METTL15: variants seen among roughly 807,000 people sequenced by gnomAD.
METTL15 encodes 12S rRNA N(4)-cytidine methyltransferase METTL15.
Under a neutral mutation model 38.3 loss-of-function variants are expected in METTL15, and 34 were observed. The ratio of observed to expected loss-of-function variants is 0.89; its 90% CI spans 0.68 to 1.18. METTL15 has a LOEUF of 1.18. METTL15 is among the 50% of genes most tolerant of loss of function. The pLI is 0.00. For synonymous variants in METTL15, 162 were observed against 170.9 expected (o/e 0.95, Z 0.41); for missense variants, 438 against 498.4 (o/e 0.88, Z 1.15).
At chr11:28,404,878 T>C (rs1850661368) in intron 5 of METTL15, among the ~76,000 whole-genome samples, 1 of 152,126 alleles carries the variant, frequency 6.6e-6, no homozygotes, top group South Asian at 2.1e-4. Flanking sequence ...CATCTTCCTC[T>C]TGATAGCATC....
chr11:28,524,023 T>G (rs1403439728), intron 6 of METTL15, among the ~76,000 whole-genome samples: 1 of 152,234 alleles, frequency 6.6e-6, no homozygotes, highest in East Asian at 1.9e-4. Context: ...TGATCTAACG[T>G]GTCAATGGTG....
At chr11:28,194,429 A>G (rs1851833569) in intron 3 of METTL15, among the ~76,000 whole-genome samples, 1 of 151,450 alleles carries the variant, frequency 6.6e-6, no homozygotes, top group Non-Finnish European at 1.5e-5. Flanking sequence ...CGAACTCCTG[A>G]CCTCAGGTGA....
downstream of METTL15, among the ~76,000 whole-genome samples, chr11:28,531,398 C>T (rs185283877): frequency 2.6e-5 from 4 of 152,084 alleles, no homozygotes; most frequent in Non-Finnish European, 5.9e-5. Flanking sequence ...AAGGAACTCA[C>T]GTGCCTAGGT....
At chr11:28,290,134 C>CATTG in intron 4 of METTL15, 72 bp from the exon 5 acceptor site, 1 of 1,258,438 alleles carries the variant, frequency 7.9e-7, no homozygotes, top group Non-Finnish European at 1.1e-6. Flanking sequence ...TGCTCCCTTC[C>CATTG]ATTGATCATA....
At chr11:28,297,357 A>G (rs771443359) in intron 6 of METTL15, among the ~76,000 whole-genome samples, 2 of 152,126 alleles carry the variant, frequency 1.3e-5, no homozygotes, top group African/African-American at 2.4e-5. Flanking sequence ...ACATTTCTGC[A>G]TTTTAATATT....
At chr11:28,187,524 C>CT (rs34400562) in intron 3 of METTL15, among the ~76,000 whole-genome samples, 40,142 of 126,536 alleles carry the variant, frequency 0.32, 6,367 homozygotes, top group African/African-American at 0.45. Context: ...AATGTTTGTG[C>CT]TTTTTTTTTT....
At chr11:28,289,786 A>G (rs886661237) in intron 4 of METTL15, among the ~76,000 whole-genome samples, 2 of 152,158 alleles carry the variant, frequency 1.3e-5, no homozygotes, top group African/African-American at 4.8e-5. Flanking sequence ...CATATTTGAC[A>G]TCTTTTTTAT....
chr11:28,426,655 G>A (rs1850868271), intron 6 of METTL15, among the ~76,000 whole-genome samples: 1 of 133,852 alleles, frequency 7.5e-6, no homozygotes, highest in African/African-American at 2.8e-5. Context: ...GTATCTCATT[G>A]TGGTTTTGAT....
At chr11:28,321,022 G>C (rs1160019291) in intron 6 of METTL15, among the ~76,000 whole-genome samples, 1 of 152,080 alleles carries the variant, frequency 6.6e-6, no homozygotes. Flanking sequence ...GATGCTTCAG[G>C]GGTTTTCAAT....
rs550208434 is a variant in METTL15, at chr11:28,499,971, C to A, written c.*425-26507C>A. 3.3e-5 allele frequency among the ~76,000 whole-genome samples: 5 copies of A among 150,218 alleles called. No individual in the cohort carries two copies. In the South Asian group the frequency reaches 8.4e-4, roughly 25 times the overall value. ...TTTTAATTAAAAGTAATAACTTTTT[C>A]TATTGTTTGTTTAAAGGGCAGGTGG... is the stretch of plus-strand genomic sequence containing the variant. On this transcript the variant is annotated intron_variant and NMD_transcript_variant, in intron 6 of 7. Coordinates refer to the METTL15 transcript ENST00000532947.
chr11:28,317,697 A>G (rs911714644), intron 6 of METTL15, among the ~76,000 whole-genome samples: 1 of 152,210 alleles, frequency 6.6e-6, no homozygotes, highest in East Asian at 1.9e-4. Context: ...CTTTTTATGA[A>G]TGAAGTATAT....
chr11:28,167,844 C>A (rs1299997778), intron 3 of METTL15, among the ~76,000 whole-genome samples: 1 of 151,516 alleles, frequency 6.6e-6, no homozygotes, highest in Non-Finnish European at 1.5e-5. Flanking sequence ...CTTAGATTTT[C>A]TTTTATCCAA....
intron 3 of METTL15, among the ~76,000 whole-genome samples, chr11:28,156,384 A>T (rs1344393102): frequency 6.6e-6 from 1 of 152,192 alleles, no homozygotes; most frequent in East Asian, 1.9e-4. Flanking sequence ...TGAGACTTCA[A>T]CATAAATAGA....
intron 6 of METTL15, chr11:28,328,023 T>C: frequency 6.8e-7 from 1 of 1,475,430 alleles, no homozygotes; most frequent in Non-Finnish European, 9.2e-7. Flanking sequence ...CTGCAGTTCT[T>C]ATTGATTTAT....
chr11:28,436,963 C>T (rs1850987729), intron 6 of METTL15, among the ~76,000 whole-genome samples: 1 of 152,160 alleles, frequency 6.6e-6, no homozygotes, highest in South Asian at 2.1e-4. Context: ...TAGAATAAAG[C>T]AGGCAGAAGA....
intron 5 of METTL15, among the ~76,000 whole-genome samples, chr11:28,401,487 T>G (rs1028855774): frequency 1.3e-5 from 2 of 152,040 alleles, no homozygotes; most frequent in Non-Finnish European, 2.9e-5. Flanking sequence ...TCTTTTTATC[T>G]CTGTGCTTTT....
intron 6 of METTL15, among the ~76,000 whole-genome samples, chr11:28,458,131 T>C (rs1851185484): frequency 6.6e-6 from 1 of 152,210 alleles, no homozygotes; most frequent in Non-Finnish European, 1.5e-5. Context: ...TGATATTCTC[T>C]GGTAGCCTTT....
downstream of METTL15, among the ~76,000 whole-genome samples, chr11:28,530,954 G>T (rs1452517692): frequency 6.6e-6 from 1 of 151,586 alleles, no homozygotes; most frequent in Non-Finnish European, 1.5e-5. Flanking sequence ...AGTCTAAGGG[G>T]GTTTAAGCAA....
At chr11:28,386,893 T>C (rs1014462037) in intron 5 of METTL15, among the ~76,000 whole-genome samples, 2 of 151,914 alleles carry the variant, frequency 1.3e-5, no homozygotes, top group African/African-American at 4.8e-5. Context: ...CACTAAAAAT[T>C]AATAGCAGAA....
Sources: gnomAD v4.1 joint callset for allele counts (sites outside exome capture counted in the v4.1 genomes callset) on GRCh38, gnomAD v4.1.1 for gene constraint, MANE v1.5 for transcripts, NCBI Gene and HGNC (gene_info 2026-07-23, HGNC 2026-07-21) for gene names.